Variants in ABCC4 observed in about 807,000 individuals in gnomAD.
The protein encoded by ABCC4 is ATP-binding cassette sub-family C member 4.
Under a neutral mutation model 168.5 loss-of-function variants are expected in ABCC4, and 102 were observed. The ratio of observed to expected loss-of-function variants is 0.61; its 90% CI spans 0.52 to 0.71. The LOEUF is 0.71. ABCC4 is among the 30% of genes least tolerant of loss of function. The pLI, the probability that ABCC4 is intolerant of heterozygous loss-of-function variation, is 0.00. For synonymous variants in ABCC4, 617 were observed against 590.7 expected (o/e 1.04, Z -0.65); for missense variants, 1,402 against 1,605.8 (o/e 0.87, Z 2.17).
At chr13:95,292,522 C>G (rs1056161610) in intron 1 of ABCC4, among the ~76,000 whole-genome samples, 6 of 152,182 alleles carry the variant, frequency 3.9e-5, no homozygotes, top group Admixed American at 6.6e-5. Context: ...ATTCACAGAT[C>G]ATTCTTTGCT....
At chr13:95,219,012 A>C (rs1422576099) in intron 4 of ABCC4, among the ~76,000 whole-genome samples, 1 of 151,784 alleles carries the variant, frequency 6.6e-6, no homozygotes, top group Non-Finnish European at 1.5e-5. Flanking sequence ...AGAGTGAGAA[A>C]GAAAGGAAGG....
At chr13:95,263,131 C>T (rs7321532) in intron 1 of ABCC4, among the ~76,000 whole-genome samples, 3,305 of 152,164 alleles carry the variant, frequency 0.022, 94 homozygotes, top group East Asian at 0.087. Flanking sequence ...CAGAAAAAAA[C>T]GTGTGTTACA....
At chr13:95,083,325 T>A in intron 20 of ABCC4, 35 bp from the exon 21 acceptor site, 1 of 1,604,672 alleles carries the variant, frequency 6.2e-7, no homozygotes, top group South Asian at 1.1e-5. Flanking sequence ...GTTTTCCTTA[T>A]CAAGTATTCT....
intron 21 of ABCC4, among the ~76,000 whole-genome samples, chr13:95,079,172 G>A (rs1458087867): frequency 6.6e-6 from 1 of 152,182 alleles, no homozygotes; most frequent in Non-Finnish European, 1.5e-5. Flanking sequence ...TAGTACCGAG[G>A]GAGAGCGTAT....
chr13:95,225,917 T>C (rs1048057991), intron 4 of ABCC4, among the ~76,000 whole-genome samples: 9 of 144,942 alleles, frequency 6.2e-5, no homozygotes, highest in African/African-American at 1.5e-4. Flanking sequence ...GGAGAATCAA[T>C]TGAGCTCAGG....
intron 1 of ABCC4, among the ~76,000 whole-genome samples, chr13:95,270,725 G>A (rs1256671632): frequency 6.6e-6 from 1 of 152,198 alleles, no homozygotes; most frequent in East Asian, 1.9e-4. Context: ...GCTACTGTCT[G>A]CAAACCACAC....
Position 95,041,502 on chromosome 13 carries a change from A to G in ABCC4, c.3735+2180T>C, listed in dbSNP as rs115438395. ...GCAATTACAGGACTGCATGATGACA[A>G]TAGTGTTGGTTATGTCCTTCATTAA... is the stretch of plus-strand genomic sequence containing the variant. On this transcript the variant is annotated intron_variant, in intron 29 of 30. Coordinates refer to ENST00000645237, the MANE Select transcript of ABCC4 (RefSeq NM_005845.5). Among the ~76,000 whole-genome samples, 1,255 of 152,290 alleles carry G rather than the reference A, an allele frequency of 8.2e-3. 18 individuals carry two copies. Among genetic ancestry groups the G allele is most frequent in the African/African-American group, 0.026 (1,093 of 41,558 alleles).
At chr13:95,072,728 G>A (rs1466541838) in intron 24 of ABCC4, among the ~76,000 whole-genome samples, 1 of 152,158 alleles carries the variant, frequency 6.6e-6, no homozygotes, top group East Asian at 1.9e-4. Context: ...GTACCAAGAA[G>A]GCACACCAGC....
At chr13:95,098,693 C>G (rs538792383) in intron 20 of ABCC4, among the ~76,000 whole-genome samples, 2 of 152,132 alleles carry the variant, frequency 1.3e-5, no homozygotes, top group Admixed American at 1.3e-4. Context: ...AAAAAATCAA[C>G]AAGATTTTTA....
intron 19 of ABCC4, among the ~76,000 whole-genome samples, chr13:95,145,089 A>T (rs2036447972): frequency 6.6e-6 from 1 of 152,212 alleles, no homozygotes; most frequent in Non-Finnish European, 1.5e-5. Flanking sequence ...CAAAACCACA[A>T]TGAGATATCA....
At chr13:95,178,301 T>C (rs1427259695) in intron 11 of ABCC4, among the ~76,000 whole-genome samples, 1 of 152,268 alleles carries the variant, frequency 6.6e-6, no homozygotes, top group Non-Finnish European at 1.5e-5. Context: ...GTTATCTATT[T>C]TAATGCTGTA....
chr13:95,075,549 G>C lies in ABCC4; in HGVS notation c.2689C>G (p.Arg897Gly), dbSNP rs769663620. 1 of 1,614,020 alleles carries C rather than the reference G, an allele frequency of 6.2e-7. No homozygotes were observed. Among genetic ancestry groups the C allele is most frequent in the Non-Finnish European group, 8.5e-7 (1 of 1,179,956 alleles). ...RDVKRLESTT[R>G]SPVFSHLSSS... ...GATAAGTGGGAAAACACTGGACTCC[G>C]AGCTGGGGAAACAGACAGAGAAAAC... is the stretch of plus-strand genomic sequence containing the variant. The change falls in exon 22 of 31, where the codon CGG becomes GGG. Residue 897 changes from arginine to glycine, a missense_variant and splice_region_variant. Transcript: ENST00000645237.
At chr13:95,233,391 C>T (rs909013336) in intron 4 of ABCC4, among the ~76,000 whole-genome samples, 5 of 150,258 alleles carry the variant, frequency 3.3e-5, no homozygotes, top group East Asian at 1.9e-4. Flanking sequence ...AGCGAATTAA[C>T]GCAGGAACAG....
chr13:95,071,626 C>A, intron 25 of ABCC4, 36 bp downstream of exon 25: 2 of 1,396,588 alleles, frequency 1.4e-6, no homozygotes, highest in South Asian at 3.9e-5. Context: ...ACTAAATCTT[C>A]TGAAATTGAG....
intron 19 of ABCC4, among the ~76,000 whole-genome samples, chr13:95,157,088 C>CCACACACACACACACACACACACACA (rs67671921): frequency 3.0e-5 from 4 of 134,708 alleles, no homozygotes; most frequent in African/African-American, 1.2e-4. Flanking sequence ...TGAGACTCTA[C>CCACACACACACACACACACACACACA]CACACACACA....
At chr13:95,224,241 A>G (rs1315193604) in intron 4 of ABCC4, among the ~76,000 whole-genome samples, 1 of 152,056 alleles carries the variant, frequency 6.6e-6, no homozygotes. Flanking sequence ...ACAAGGTAAT[A>G]AAGATACAAA....
chr13:95,081,519 G>C (rs1167578728), intron 21 of ABCC4, among the ~76,000 whole-genome samples: 1 of 152,164 alleles, frequency 6.6e-6, no homozygotes, highest in Admixed American at 6.6e-5. Context: ...ACCTTCCCTA[G>C]CAAGTCCTAT....
chr13:95,058,847 G>A (rs570273792), intron 26 of ABCC4, among the ~76,000 whole-genome samples: 2 of 152,278 alleles, frequency 1.3e-5, no homozygotes, highest in South Asian at 4.1e-4. Flanking sequence ...CTCCTTGCAC[G>A]GTGCTGCCAG....
At chr13:95,179,925 G>A (rs1011456138) in intron 11 of ABCC4, among the ~76,000 whole-genome samples, 8 of 152,006 alleles carry the variant, frequency 5.3e-5, no homozygotes, top group Non-Finnish European at 1.2e-4. Context: ...CTAAAGTAAG[G>A]GTATGAACTC....
Sources: allele counts gnomAD v4.1 joint callset (sites outside exome capture counted in the v4.1 genomes callset), GRCh38; gene constraint gnomAD v4.1.1; transcripts MANE v1.5; gene names NCBI Gene and HGNC (gene_info 2026-07-23, HGNC 2026-07-21).